Variants in PLXNA2 observed in about 807,000 individuals in gnomAD.
PLXNA2 encodes the protein plexin A2.
PLXNA2 carries 91 observed loss-of-function variants against 193.5 expected under a neutral mutation model. The observed-to-expected ratio is 0.47, with a 90% CI of 0.40 to 0.56. PLXNA2 has a LOEUF of 0.56. Among genes scored for constraint, PLXNA2 ranks in the 20% least tolerant of loss-of-function variants. PLXNA2 has a pLI of 0.00. For missense variants in PLXNA2, 1,995 were observed against 2,503.2 expected, an observed-to-expected ratio of 0.80 and a Z score of 4.33; for synonymous variants, 997 against 1,027.3, an observed-to-expected ratio of 0.97 and a Z score of 0.56.
chr1:208,041,532 G>A (rs193110059), intron 22 of PLXNA2, among the ~76,000 whole-genome samples: 1 of 152,320 alleles, frequency 6.6e-6, no homozygotes, highest in East Asian at 1.9e-4. Context: ...AACCTTCTGC[G>A]ATAATGGGAA....
At chr1:208,142,281 C>T in intron 4 of PLXNA2, 48 bp downstream of exon 4, 2 of 1,539,802 alleles carry the variant, frequency 1.3e-6, no homozygotes, top group Non-Finnish European at 1.8e-6. Flanking sequence ...GACAGATTAT[C>T]AGCAGTTTCT....
chr1:208,093,923 G>A (rs1666793871), intron 8 of PLXNA2, among the ~76,000 whole-genome samples: 1 of 152,180 alleles, frequency 6.6e-6, no homozygotes, highest in Admixed American at 6.5e-5. Context: ...GGAATGGACA[G>A]GACCAGGTCT....
chr1:208,040,985 G>A (rs1235480943), intron 22 of PLXNA2, among the ~76,000 whole-genome samples: 1 of 152,208 alleles, frequency 6.6e-6, no homozygotes, highest in Non-Finnish European at 1.5e-5. Context: ...TCCTCTGGTT[G>A]CAGTAAATCC....
intron 4 of PLXNA2, among the ~76,000 whole-genome samples, chr1:208,133,362 T>C (rs1558209494): frequency 6.6e-6 from 1 of 152,272 alleles, no homozygotes; most frequent in Non-Finnish European, 1.5e-5. Flanking sequence ...GCAGGGATTC[T>C]ATTTTATTTT....
intron 8 of PLXNA2, among the ~76,000 whole-genome samples, chr1:208,094,639 G>A (rs555999081): frequency 6.6e-6 from 1 of 152,232 alleles, no homozygotes; most frequent in East Asian, 1.9e-4. Flanking sequence ...CCCAAAGCAG[G>A]GTTTGCTGGG....
intron 13 of PLXNA2, 78 bp from the exon 14 acceptor site, chr1:208,054,616 C>G: frequency 5.3e-6 from 5 of 941,786 alleles, no homozygotes; most frequent in Non-Finnish European, 6.9e-6. Context: ...CCAGTCATGG[C>G]AAATGACTCA....
At chr1:208,132,731 G>A (rs1668196781) in intron 4 of PLXNA2, among the ~76,000 whole-genome samples, 1 of 152,138 alleles carries the variant, frequency 6.6e-6, no homozygotes, top group African/African-American at 2.4e-5. Context: ...ATGTATGGGG[G>A]CACAACTGTA....
chr1:208,171,293 T>C (rs921127966), intron 3 of PLXNA2, among the ~76,000 whole-genome samples: 2 of 152,188 alleles, frequency 1.3e-5, no homozygotes, highest in African/African-American at 4.8e-5. Flanking sequence ...TCAGAGGAGA[T>C]GGTGAATGCA....
At position 208,038,182 on chromosome 1, in the gene PLXNA2, C is replaced by T. The variant is rs73078897; in HGVS notation, c.4764+189G>A. ...TCTGAGGGTGGAGTTTGGTCACTCA[C>T]GTTTTTTATCAGTTCCCTCAGTAAT... On this transcript the variant is annotated intron_variant, in intron 26 of 31. Transcript: ENST00000367033. This position sits in a 1 kb window ranked among gnomAD's most constrained non-coding sequence, Gnocchi z 4.1. Among the ~76,000 whole-genome samples the T allele has an allele frequency of 4.3e-3, 660 of 152,264 alleles. 4 individuals are homozygous for T. The highest frequency in any genetic ancestry group is 0.015 in the African/African-American group (637 of 41,562).
intron 1 of PLXNA2, among the ~76,000 whole-genome samples, chr1:208,224,843 A>C (rs1671463559): frequency 6.6e-6 from 1 of 152,184 alleles, no homozygotes; most frequent in African/African-American, 2.4e-5. Flanking sequence ...ATTTCTACCC[A>C]GTCACCCTCT....
chr1:208,223,137 G>A (rs1483381193), intron 1 of PLXNA2, among the ~76,000 whole-genome samples: 1 of 151,666 alleles, frequency 6.6e-6, no homozygotes, highest in Non-Finnish European at 1.5e-5. Context: ...TGATGGAGAG[G>A]AGTCCGTCTT....
intron 4 of PLXNA2, among the ~76,000 whole-genome samples, chr1:208,126,665 A>G (rs1463652860): frequency 6.6e-6 from 1 of 152,148 alleles, no homozygotes; most frequent in Non-Finnish European, 1.5e-5. Context: ...TAGGAAGGGT[A>G]GTGCCAGGAC....
intron 3 of PLXNA2, among the ~76,000 whole-genome samples, chr1:208,195,645 GTTT>G (rs758127500): frequency 2.4e-5 from 2 of 83,104 alleles, no homozygotes; most frequent in African/African-American, 8.4e-5. Flanking sequence ...GTCATAAAAT[GTTT>G]TTTGGGGGGG....
intron 14 of PLXNA2, among the ~76,000 whole-genome samples, chr1:208,053,625 C>T (rs1665334348): frequency 1.3e-5 from 2 of 152,166 alleles, no homozygotes; most frequent in Non-Finnish European, 2.9e-5. Context: ...TGGTTTGACC[C>T]CATCTGCTAG....
At chr1:208,083,154 C>T (rs1666401827) in intron 10 of PLXNA2, among the ~76,000 whole-genome samples, 1 of 152,180 alleles carries the variant, frequency 6.6e-6, no homozygotes, top group Non-Finnish European at 1.5e-5. Context: ...AGCCAATGGT[C>T]CACTAGGGAG....
intron 3 of PLXNA2, among the ~76,000 whole-genome samples, chr1:208,167,298 C>A (rs1206674242): frequency 1.3e-5 from 2 of 152,080 alleles, no homozygotes; most frequent in South Asian, 4.2e-4. Flanking sequence ...TCTCCCACAC[C>A]CCCCTCACAG....
intron 29 of PLXNA2, chr1:208,029,627 G>A (rs766180965): frequency 1.3e-5 from 13 of 987,366 alleles, no homozygotes; most frequent in Non-Finnish European, 1.6e-5. Context: ...TCTTGTATCT[G>A]GGCAGGGGCA....
intron 21 of PLXNA2, among the ~76,000 whole-genome samples, chr1:208,042,578 C>T (rs928868194): frequency 1.3e-5 from 2 of 152,182 alleles, no homozygotes; most frequent in Non-Finnish European, 2.9e-5. Flanking sequence ...TGCACTGGGC[C>T]GGGGAGGCTG....
At position 208,039,513 on chromosome 1, in the gene PLXNA2, C is replaced by T. The variant is rs1455324162; in HGVS notation, c.4500+108G>A. 2.0e-6 allele frequency: 3 copies of T among 1,477,502 alleles called. No individual in the cohort carries two copies. The Admixed American group carries it at 5.2e-5, about 26-fold the overall frequency. 91.5% of individuals were successfully genotyped at this position (1,477,502 alleles called of 1,614,324 possible). ...TCCTTTGGGCTCACCCCAGACCAGCCTCCCATCCTCTTTATTGACCCCCTA... is the reference window on the plus strand; with the variant it reads ...TCCTTTGGGCTCACCCCAGACCAGCTTCCCATCCTCTTTATTGACCCCCTA... On this transcript the variant is annotated intron_variant, in intron 24 of 31. Coordinates refer to ENST00000367033, the MANE Select transcript of PLXNA2 (RefSeq NM_025179.4).
Sources: allele counts gnomAD v4.1 joint callset (sites outside exome capture counted in the v4.1 genomes callset), GRCh38; gene constraint gnomAD v4.1.1; non-coding constraint Gnocchi (gnomAD v3.1); transcripts MANE v1.5; gene names NCBI Gene and HGNC (gene_info 2026-07-23, HGNC 2026-07-21).